DPP6: variants seen among roughly 807,000 people sequenced by gnomAD.
The protein encoded by DPP6 is dipeptidyl peptidase like 6.
Under a neutral mutation model 122.6 loss-of-function variants are expected in DPP6, and 69 were observed. The ratio of observed to expected loss-of-function variants is 0.56; its 90% CI spans 0.46 to 0.69. The LOEUF (loss-of-function observed/expected upper bound fraction) is 0.69. Ranked by LOEUF, DPP6 falls within the 30% of genes least tolerant of loss-of-function variation. The probability of loss-of-function intolerance (pLI) is 0.00; values close to 1 mark genes in which losing one functional copy is unlikely to be tolerated. For synonymous variants in DPP6, 418 were observed against 433.1 expected, an observed-to-expected ratio of 0.97 and a Z score of 0.43; for missense variants, 928 against 1,116.9, an observed-to-expected ratio of 0.83 and a Z score of 2.41.
intron 1 of DPP6, among the ~76,000 whole-genome samples, chr7:154,154,997 C>T (rs1399110648): frequency 6.6e-6 from 1 of 152,092 alleles, no homozygotes; most frequent in African/African-American, 2.4e-5. Context: ...GCTGGGCAGC[C>T]CTGGGCTGTG....
rs536508318 is a variant in DPP6 at position 154,481,510 on chromosome 7, C to T, written c.457+6473C>T. 2.2e-4 allele frequency among the ~76,000 whole-genome samples: 34 copies of T among 151,144 alleles called. No individual in the cohort carries two copies. The highest frequency in any genetic ancestry group is 4.6e-4 in the Non-Finnish European group (31 of 67,772). ...CACAGACCCCCCGCTGCCCACTGTG[C>T]GAGCACAGCCCTGGCCCCCCGACCC... On this transcript the variant is annotated intron_variant, in intron 3 of 25. Coordinates refer to ENST00000377770, the MANE Select transcript of DPP6 (RefSeq NM_130797.4). The surrounding 1 kb of genome is among the most constrained non-coding windows in gnomAD (Gnocchi z 4.2).
chr7:153,918,944 A>C lies in DPP6; in HGVS notation c.51+31210A>C, dbSNP rs550010961. On this transcript the variant is annotated intron_variant, in intron 1 of 25. Transcript: ENST00000404039. ...CAGTGAGCCGAGATCATGCCACTGC[A>C]CTCCAGTCTGGGTGACAGAGCAAGA... 2.2e-5 allele frequency among the ~76,000 whole-genome samples: 3 copies of C among 137,806 alleles called. No individual in the cohort carries two copies. The East Asian group carries it at 6.6e-4, about 30-fold the overall frequency. 90.4% of individuals were successfully genotyped at this position (137,806 alleles called of 152,430 possible). A position where few individuals can be genotyped will look rare whatever the true frequency, so the allele number is the denominator to read the frequency against.
At chr7:154,024,680 G>C (rs953962721) in intron 1 of DPP6, among the ~76,000 whole-genome samples, 1 of 152,202 alleles carries the variant, frequency 6.6e-6, no homozygotes, top group Non-Finnish European at 1.5e-5. Flanking sequence ...ATTGCATAAT[G>C]TAATTCTTGT....
Position 153,956,394 on chromosome 7 carries a change from C to T in DPP6, c.51+68660C>T, listed in dbSNP as rs149258776. On this transcript the variant is annotated intron_variant, in intron 1 of 25. Coordinates refer to the DPP6 transcript ENST00000404039. ...AGTGTTTGCTCCAGAAAAGAGACAG[C>T]GAAACTCAGGGCTGGGGATAGGAGA... is the stretch of plus-strand genomic sequence containing the variant. Among the ~76,000 whole-genome samples, 46 of 152,114 alleles carry T rather than the reference C, an allele frequency of 3.0e-4. No homozygotes were observed. In the East Asian group the frequency reaches 7.0e-3, roughly 23 times the overall value.
At chr7:153,880,549 A>C in the DPP6 span, among the ~76,000 whole-genome samples, 1 of 152,178 alleles carries the variant, frequency 6.6e-6, no homozygotes. Flanking sequence ...AGGAAACTGA[A>C]GAGTTAAAAT....
At chr7:154,488,356 G>A (rs928127227) in intron 3 of DPP6, among the ~76,000 whole-genome samples, 1 of 151,936 alleles carries the variant, frequency 6.6e-6, no homozygotes, top group East Asian at 1.9e-4. Context: ...CGGGCGTGGT[G>A]GCGGGTGCCT....
intron 8 of DPP6, among the ~76,000 whole-genome samples, chr7:154,749,645 A>G (rs1843258153): frequency 1.8e-5 from 2 of 111,924 alleles, no homozygotes; most frequent in South Asian, 8.5e-4. Context: ...AGGACGGGAA[A>G]GAGAGGGATG....
chr7:154,727,718 A>C (rs762184955), intron 7 of DPP6, 49 bp from the exon 8 acceptor site: 1 of 1,545,968 alleles, frequency 6.5e-7, no homozygotes, highest in African/African-American at 1.4e-5. Context: ...CAGCCTATTT[A>C]TAACCACTTC....
At chr7:154,033,779 G>A (rs1271750951) in intron 1 of DPP6, among the ~76,000 whole-genome samples, 1 of 152,162 alleles carries the variant, frequency 6.6e-6, no homozygotes, top group Non-Finnish European at 1.5e-5. Context: ...ACCTTAACAT[G>A]TATTCAAAGT....
At chr7:154,608,886 T>C (rs1388483720) in intron 5 of DPP6, among the ~76,000 whole-genome samples, 2 of 152,210 alleles carry the variant, frequency 1.3e-5, no homozygotes, top group Non-Finnish European at 2.9e-5. Flanking sequence ...GATAAACTGC[T>C]TCAGTTCAGG....
intron 5 of DPP6, among the ~76,000 whole-genome samples, chr7:154,614,532 GTTTTC>G (rs1265850543): frequency 1.3e-5 from 2 of 152,094 alleles, no homozygotes; most frequent in African/African-American, 2.4e-5. Context: ...TTATAGCTCT[GTTTTC>G]TTTTCTTGAC....
rs541613256 is a variant in DPP6, at chr7:154,364,347, C to T, written c.244-81867C>T. Among the ~76,000 whole-genome samples, 49 of 152,320 alleles carry T rather than the reference C, an allele frequency of 3.2e-4. No individual in the cohort carries two copies. The South Asian group carries it at 6.0e-3, about 19-fold the overall frequency. On this transcript the variant is annotated intron_variant, in intron 1 of 25. Transcript: ENST00000377770. The stretch of plus-strand genomic sequence containing the variant: ...ACCCACCACAGGCAGAGCACAGCTA[C>T]AGGCCCACACACACTTATGCCGCAC...
chr7:154,098,796 T>C (rs1805524670), intron 1 of DPP6, among the ~76,000 whole-genome samples: 1 of 152,148 alleles, frequency 6.6e-6, no homozygotes, highest in African/African-American at 2.4e-5. Context: ...GGCAGTGATA[T>C]ATACTCCCTT....
chr7:154,438,623 T>G (rs1226211380), intron 1 of DPP6, among the ~76,000 whole-genome samples: 1 of 152,114 alleles, frequency 6.6e-6, no homozygotes, highest in Non-Finnish European at 1.5e-5. Context: ...GCTCATTCTG[T>G]CTCTTTGAGC....
chr7:154,562,121 AC>A (rs1456528851), intron 4 of DPP6, among the ~76,000 whole-genome samples: 1 of 152,148 alleles, frequency 6.6e-6, no homozygotes, highest in Admixed American at 6.5e-5. Flanking sequence ...TGAAATAAAA[AC>A]CAAACAAAGA....
chr7:153,748,175 T>A, the DPP6 span, among the ~76,000 whole-genome samples: 1 of 152,176 alleles, frequency 6.6e-6, no homozygotes, highest in African/African-American at 2.4e-5. Context: ...CAGCCTGTGC[T>A]AACGAGCCCG....
chr7:154,338,830 T>G (rs553331289), intron 1 of DPP6, among the ~76,000 whole-genome samples: 140 of 152,332 alleles, frequency 9.2e-4, no homozygotes, highest in African/African-American at 3.1e-3. Context: ...CTTTTTTCCC[T>G]TCTGAACATG....
rs183721507 is a variant in DPP6, at chr7:154,241,278, C to T, written c.243+188215C>T. ...ATCCATTTAGGAAGACAAACATATT[C>T]ATAACTATGTTTTCCATTAAAGTAT... On this transcript the variant is annotated intron_variant, in intron 1 of 25. Transcript: ENST00000377770. This position sits in a 1 kb window ranked among gnomAD's most constrained non-coding sequence, Gnocchi z 9.0. Among the ~76,000 whole-genome samples, 1 of 149,472 alleles carries T rather than the reference C, an allele frequency of 6.7e-6. No homozygotes were observed. Among genetic ancestry groups the T allele is most frequent in the East Asian group, 2.0e-4 (1 of 5,008 alleles).
intron 1 of DPP6, chr7:154,305,335 T>TGTGGC: frequency 2.9e-6 from 3 of 1,024,756 alleles, no homozygotes; most frequent in Non-Finnish European, 3.6e-6. Context: ...TCGTCTTGTC[T>TGTGGC]ACCCACCCTC....
Sources: gnomAD v4.1 joint callset for allele counts (sites outside exome capture counted in the v4.1 genomes callset) on GRCh38, gnomAD v4.1.1 for gene constraint, Gnocchi (gnomAD v3.1) non-coding constraint, MANE v1.5 for transcripts, NCBI Gene and HGNC (gene_info 2026-07-23, HGNC 2026-07-21) for gene names.